The following SORCS3 variants were observed in gnomAD, a reference collection of about 807,000 sequenced individuals.
SORCS3 encodes the protein VPS10 domain-containing receptor SorCS3.
Under a neutral mutation model 146.3 loss-of-function variants are expected in SORCS3, and 57 were observed. The observed-to-expected ratio is 0.39, with a 90% CI of 0.31 to 0.49. SORCS3 has a LOEUF of 0.49. Ranked by LOEUF, SORCS3 falls within the 20% of genes least tolerant of loss-of-function variation. SORCS3 has a pLI of 0.92. For synonymous variants in SORCS3, 653 were observed against 618.5 expected (o/e 1.06, Z -0.83); for missense variants, 1,341 against 1,575.5 (o/e 0.85, Z 2.52).
At chr10:105,106,359 T>A (rs1167172509) in intron 7 of SORCS3, among the ~76,000 whole-genome samples, 1 of 152,184 alleles carries the variant, frequency 6.6e-6, no homozygotes, top group African/African-American at 2.4e-5. Context: ...TCAGTCCAGA[T>A]CAATCCCATC....
At chr10:105,066,629 G>GAATCATAAT (rs1434835523) in intron 5 of SORCS3, among the ~76,000 whole-genome samples, 1 of 152,160 alleles carries the variant, frequency 6.6e-6, no homozygotes, top group East Asian at 1.9e-4. Flanking sequence ...GGAAGAAAGA[G>GAATCATAAT]AATCATAATA....
chr10:105,247,079 G>A (rs892560419), intron 21 of SORCS3, 140 bp from the exon 22 acceptor site: 21 of 452,360 alleles, frequency 4.6e-5, no homozygotes, highest in Middle Eastern at 3.0e-4. Context: ...GAAACAAGCT[G>A]AGAACAAGGA....
In SORCS3 at chr10:104,641,630, GCAGGTGGAAGC is replaced by G; in HGVS notation, c.305_315del (p.Gln102ArgfsTer57). Reference sequence around the variant, plus strand: ...AGGGCGGCGGCAGAGGCGGTGAGATGCAGGTGGAAGCCGGAGGGACATCACCGGCAGGCGAG... The same window carrying G: ...AGGGCGGCGGCAGAGGCGGTGAGATGCGGAGGGACATCACCGGCAGGCGAG... On this transcript the variant is annotated frameshift_variant, in exon 1 of 27. Transcript: ENST00000369701. LOFTEE classifies it high-confidence loss of function. The surrounding 1 kb of genome is among the most constrained non-coding windows in gnomAD (Gnocchi z 6.4). 1 of 1,523,878 alleles carries G rather than the reference GCAGGTGGAAGC, an allele frequency of 6.6e-7. No individual in the cohort carries two copies. The allele number at this position is 1,523,878 out of a possible 1,614,324, so 94.4% of individuals were successfully genotyped here.
intron 1 of SORCS3, among the ~76,000 whole-genome samples, chr10:104,732,367 C>T (rs2016715795): frequency 6.6e-6 from 1 of 152,198 alleles, no homozygotes; most frequent in Non-Finnish European, 1.5e-5. Flanking sequence ...TCAGTGTTCT[C>T]TGTTGTCTTT....
intron 7 of SORCS3, among the ~76,000 whole-genome samples, chr10:105,134,635 C>T (rs2056046220): frequency 2.0e-5 from 3 of 152,004 alleles, no homozygotes; most frequent in Admixed American, 1.3e-4. Context: ...GGAAGAAGCC[C>T]TCATGGCCTA....
chr10:104,758,729 G>A lies in SORCS3; in HGVS notation c.628-84063G>A, dbSNP rs1248870679. On this transcript the variant is annotated intron_variant, in intron 1 of 26. Transcript: ENST00000369701. The stretch of plus-strand genomic sequence containing the variant: ...GTACTTTGGGATATTGTGGCTCCTC[G>A]CCAAGTAGGAATGGGCTCACATCTC... Among the ~76,000 whole-genome samples, 10 of 152,214 alleles carry A rather than the reference G, an allele frequency of 6.6e-5. No individual in the cohort carries two copies. The East Asian group carries it at 1.7e-3, about 27-fold the overall frequency.
intron 1 of SORCS3, among the ~76,000 whole-genome samples, chr10:104,696,064 T>C (rs1475541431): frequency 1.0e-5 from 1 of 95,986 alleles, no homozygotes; most frequent in Non-Finnish European, 2.0e-5. Flanking sequence ...ACACATATTA[T>C]ATATAATATA....
intron 3 of SORCS3, among the ~76,000 whole-genome samples, chr10:104,951,638 G>C (rs2019430615): frequency 6.6e-6 from 1 of 152,168 alleles, no homozygotes; most frequent in Non-Finnish European, 1.5e-5. Flanking sequence ...AGCCACCATG[G>C]TTAAATACAA....
chr10:104,861,977 C>T (rs1382195426), intron 2 of SORCS3, among the ~76,000 whole-genome samples: 1 of 152,212 alleles, frequency 6.6e-6, no homozygotes, highest in South Asian at 2.1e-4. Flanking sequence ...CAAATTTCCA[C>T]TTTATGAGAC....
In SORCS3 at chr10:104,720,661, C is replaced by G. The variant is rs867233836; in HGVS notation, c.627+78707C>G. On this transcript the variant is annotated intron_variant, in intron 1 of 26. Transcript: ENST00000369701. Reference sequence around the variant, plus strand: ...TGTTGTTTCCTGACTTTTTAATGATCGCCCTTCTAACTGGTGTGAGATGGT... The same window carrying G: ...TGTTGTTTCCTGACTTTTTAATGATGGCCCTTCTAACTGGTGTGAGATGGT... 9.2e-5 allele frequency among the ~76,000 whole-genome samples: 14 copies of G among 152,238 alleles called. No homozygotes were observed. In the South Asian group the frequency reaches 1.0e-3, roughly 11 times the overall value.
intron 8 of SORCS3, among the ~76,000 whole-genome samples, chr10:105,145,767 G>A (rs2056126996): frequency 6.6e-6 from 1 of 152,128 alleles, no homozygotes; most frequent in Admixed American, 6.6e-5. Context: ...GCACAAATGA[G>A]CAAGTGAGGT....
At chr10:104,857,535 C>T (rs1348037445) in intron 2 of SORCS3, among the ~76,000 whole-genome samples, 1 of 152,082 alleles carries the variant, frequency 6.6e-6, no homozygotes, top group Middle Eastern at 3.2e-3. Flanking sequence ...TCTGCCAGCC[C>T]CTGTAGAATG....
At chr10:104,857,620 G>A (rs1261118226) in intron 2 of SORCS3, among the ~76,000 whole-genome samples, 4 of 152,166 alleles carry the variant, frequency 2.6e-5, no homozygotes, top group South Asian at 2.1e-4. Flanking sequence ...CTTGTTTGAA[G>A]GGAAACAAAA....
At chr10:104,982,986 A>G (rs1195285769) in intron 4 of SORCS3, among the ~76,000 whole-genome samples, 1 of 152,098 alleles carries the variant, frequency 6.6e-6, no homozygotes. Context: ...TGTCACCCCA[A>G]GCATGCTTTT....
chr10:105,194,058 G>A (rs544230283), intron 14 of SORCS3, among the ~76,000 whole-genome samples: 1 of 152,226 alleles, frequency 6.6e-6, no homozygotes, highest in Non-Finnish European at 1.5e-5. Flanking sequence ...AATCTATATA[G>A]TGAGAAATAG....
intron 4 of SORCS3, among the ~76,000 whole-genome samples, chr10:104,992,681 A>G (rs149227049): frequency 6.6e-6 from 1 of 152,288 alleles, no homozygotes; most frequent in East Asian, 1.9e-4. Flanking sequence ...TTCCTATTTC[A>G]CACCAAAGTG....
chr10:105,080,512 A>AT (rs1385145118), intron 5 of SORCS3, among the ~76,000 whole-genome samples: 1 of 151,690 alleles, frequency 6.6e-6, no homozygotes, highest in South Asian at 2.1e-4. Flanking sequence ...CTATTGATAG[A>AT]TTTTTTGCTG....
intron 1 of SORCS3, among the ~76,000 whole-genome samples, chr10:104,751,932 T>C (rs1447011051): frequency 3.0e-5 from 2 of 67,712 alleles, no homozygotes; most frequent in Non-Finnish European, 5.1e-5. Context: ...AGCATATATA[T>C]ATATATATAT....
chr10:104,841,426 T>C (rs1003777917), intron 1 of SORCS3, among the ~76,000 whole-genome samples: 3 of 152,204 alleles, frequency 2.0e-5, no homozygotes, highest in African/African-American at 7.2e-5. Context: ...CAAATGGCCA[T>C]GCCATTGATG....
Sources: gnomAD v4.1 joint callset for allele counts (sites outside exome capture counted in the v4.1 genomes callset) on GRCh38, gnomAD v4.1.1 for gene constraint, Gnocchi (gnomAD v3.1) non-coding constraint, MANE v1.5 for transcripts, NCBI Gene and HGNC (gene_info 2026-07-23, HGNC 2026-07-21) for gene names.